The following NLGN4Y variants were observed in gnomAD, a reference collection of about 807,000 sequenced individuals.
The protein encoded by NLGN4Y is neuroligin-4, Y-linked.
Under a neutral mutation model 8.4 loss-of-function variants are expected in NLGN4Y, and 4 were observed. The observed-to-expected ratio is 0.48, with a 90% confidence interval of 0.23 to 1.09. The LOEUF (loss-of-function observed/expected upper bound fraction) is 1.09. Among genes scored for constraint, NLGN4Y ranks in the 50% least tolerant of loss-of-function variants. The pLI is 0.19. For missense variants in NLGN4Y, 90 were observed against 192.3 expected (o/e 0.47, Z 3.15); for synonymous variants, 35 against 75.6 (o/e 0.46, Z 2.78).
intron 1 of NLGN4Y, among the ~76,000 whole-genome samples, chrY:14,543,945 A>G (rs2080159949): frequency 1.2e-4 from 4 of 33,728 alleles, no homozygotes; most frequent in African/African-American, 2.3e-4. Flanking sequence ...AGCTGAAATT[A>G]TCATTAGGGT....
intron 4 of NLGN4Y, among the ~76,000 whole-genome samples, chrY:14,730,940 C>A: frequency 3.3e-5 from 1 of 30,083 alleles, no homozygotes; most frequent in East Asian, 8.6e-4. Flanking sequence ...AGAACAATTT[C>A]TTTTCCTTTG....
chrY:14,669,218 C>T (rs747486313), intron 2 of NLGN4Y, among the ~76,000 whole-genome samples: 184 of 33,417 alleles, frequency 5.5e-3, no homozygotes, highest in African/African-American at 0.021. Context: ...AGGCAGATAA[C>T]TATAGGTAAT....
chrY:14,550,444 C>T (rs774548523), intron 1 of NLGN4Y, among the ~76,000 whole-genome samples: 1 of 33,705 alleles, frequency 3.0e-5, no homozygotes, highest in Admixed American at 2.7e-4. Context: ...TTATTTTGCA[C>T]ATTAGTTGAT....
intron 2 of NLGN4Y, among the ~76,000 whole-genome samples, chrY:14,673,930 C>CA (rs2080735163): frequency 3.3e-5 from 1 of 30,069 alleles, no homozygotes; most frequent in Admixed American, 3.2e-4. Context: ...ATCACAAGAA[C>CA]AAAAAACCAA....
At chrY:14,592,274 A>C in intron 1 of NLGN4Y, among the ~76,000 whole-genome samples, 1 of 33,078 alleles carries the variant, frequency 3.0e-5, no homozygotes, top group Non-Finnish European at 7.4e-5. Flanking sequence ...GGAAGATAGA[A>C]AGGAGGTTGA....
At chrY:14,684,953 A>C in intron 2 of NLGN4Y, among the ~76,000 whole-genome samples, 1 of 33,974 alleles carries the variant, frequency 2.9e-5, no homozygotes, top group African/African-American at 1.1e-4. Context: ...AGTATCTTCT[A>C]CACTTTACTT....
chrY:14,621,748 C>T (rs899417842), intron 1 of NLGN4Y, among the ~76,000 whole-genome samples: 2 of 33,080 alleles, frequency 6.0e-5, no homozygotes, highest in African/African-American at 2.4e-4. Context: ...GAGTTGGAGG[C>T]TGCAGTGAGC....
At chrY:14,677,946 A>C in intron 2 of NLGN4Y, among the ~76,000 whole-genome samples, 2 of 32,264 alleles carry the variant, frequency 6.2e-5, no homozygotes, top group South Asian at 1.4e-3. Flanking sequence ...TATGGTATCA[A>C]ATTTCTGGGC....
At chrY:14,701,227 G>A (rs2080847725) in intron 2 of NLGN4Y, among the ~76,000 whole-genome samples, 1 of 26,602 alleles carries the variant, frequency 3.8e-5, no homozygotes, top group Non-Finnish European at 8.9e-5. Flanking sequence ...ACACACACAC[G>A]CACAATGACA....
intron 2 of NLGN4Y, among the ~76,000 whole-genome samples, chrY:14,650,313 A>G: frequency 5.4e-4 from 18 of 33,341 alleles, no homozygotes; most frequent in Admixed American, 5.0e-3. Flanking sequence ...GCAAAAGCCT[A>G]TCTCTAAAAA....
chrY:14,811,575 C>T (rs2043080744), intron 4 of NLGN4Y, among the ~76,000 whole-genome samples: 1 of 33,533 alleles, frequency 3.0e-5, no homozygotes, highest in Non-Finnish European at 7.4e-5. Flanking sequence ...TGTGTTTATA[C>T]GAGGAATGAT....
intron 1 of NLGN4Y, among the ~76,000 whole-genome samples, chrY:14,578,805 GT>G (rs2080306891): frequency 3.0e-5 from 1 of 33,435 alleles, no homozygotes; most frequent in Non-Finnish European, 7.4e-5. Context: ...GATGCAAACC[GT>G]CTCAAGAATT....
chrY:14,825,430 C>A, intron 5 of NLGN4Y, among the ~76,000 whole-genome samples: 2 of 30,488 alleles, frequency 6.6e-5, no homozygotes, highest in African/African-American at 2.6e-4. Flanking sequence ...CTCTTCCTCT[C>A]TCTCCCTCTC....
At chrY:14,614,091 A>G in intron 1 of NLGN4Y, among the ~76,000 whole-genome samples, 1 of 33,750 alleles carries the variant, frequency 3.0e-5, no homozygotes, top group Non-Finnish European at 7.3e-5. Context: ...CATCCTCTCC[A>G]GCATCTGTTG....
intron 1 of NLGN4Y, among the ~76,000 whole-genome samples, chrY:14,537,729 C>T: frequency 3.0e-5 from 1 of 33,335 alleles, no homozygotes; most frequent in African/African-American, 1.2e-4. Flanking sequence ...GAGCAGATCA[C>T]TGGAGGTCAG....
At chrY:14,545,316 G>A in intron 1 of NLGN4Y, among the ~76,000 whole-genome samples, 2 of 32,850 alleles carry the variant, frequency 6.1e-5, no homozygotes, top group Non-Finnish European at 1.5e-4. Context: ...TGGCTGGGTC[G>A]AATGGTATTT....
chrY:14,593,797 G>A, intron 1 of NLGN4Y, among the ~76,000 whole-genome samples: 2 of 33,216 alleles, frequency 6.0e-5, no homozygotes, highest in African/African-American at 2.4e-4. Flanking sequence ...GTGACTGGGC[G>A]GGCATTTTTT....
At chrY:14,560,945 A>T in intron 1 of NLGN4Y, among the ~76,000 whole-genome samples, 1 of 32,975 alleles carries the variant, frequency 3.0e-5, no homozygotes, top group African/African-American at 1.2e-4. Context: ...GGGATATGGA[A>T]ATTGTCAAAT....
At chrY:14,605,015 AT>A (rs2080442441) in intron 1 of NLGN4Y, among the ~76,000 whole-genome samples, 1 of 31,657 alleles carries the variant, frequency 3.2e-5, no homozygotes, top group Non-Finnish European at 7.7e-5. Flanking sequence ...TAATTTTAAC[AT>A]TTTTTTTTAA....
Sources: gnomAD v4.1 joint callset for allele counts (sites outside exome capture counted in the v4.1 genomes callset) on GRCh38, gnomAD v4.1.1 for gene constraint, MANE v1.5 for transcripts, NCBI Gene and HGNC (gene_info 2026-07-23, HGNC 2026-07-21) for gene names.